The following GARS1 variants were observed in gnomAD, a reference collection of about 807,000 sequenced individuals.
The protein encoded by GARS1 is glycine--tRNA ligase.
GARS1 carries 46 observed loss-of-function variants against 86.4 expected under a neutral mutation model. The observed-to-expected ratio is 0.53, with a 90% CI of 0.42 to 0.68. The LOEUF (loss-of-function observed/expected upper bound fraction) is 0.68, where lower values mean the gene tolerates loss of function less well. Ranked by LOEUF, GARS1 falls within the 30% of genes least tolerant of loss-of-function variation. The pLI is 0.00. For synonymous variants in GARS1, 342 were observed against 329.8 expected (o/e 1.04, Z -0.40); for missense variants, 797 against 915.6 (o/e 0.87, Z 1.67).
chr7:30,633,647 T>C (rs746952799), intron 16 of GARS1, 88 bp from the exon 17 acceptor site: 72 of 1,496,518 alleles, frequency 4.8e-5, no homozygotes, highest in Non-Finnish European at 6.5e-5. Context: ...TTTGGCTCTG[T>C]GTAAGGTTTC....
rs1203951003 is a variant in GARS1 at position 30,603,493 on chromosome 7, C to A, written c.659-3C>A. 1.2e-6 allele frequency: 2 copies of A among 1,610,966 alleles called. No homozygotes were observed. Among genetic ancestry groups the A allele is most frequent in the Non-Finnish European group, 1.7e-6 (2 of 1,177,660 alleles). ...TTGATATATGTCAACACTGTTCTTACAGCTCATTTACAGAAATTGATGTCT... is the reference window on the plus strand; with the variant it reads ...TTGATATATGTCAACACTGTTCTTAAAGCTCATTTACAGAAATTGATGTCT... On this transcript the variant is annotated splice_polypyrimidine_tract_variant and splice_region_variant and intron_variant, in intron 5 of 16. Coordinates refer to ENST00000389266, the MANE Select transcript of GARS1 (RefSeq NM_002047.4).
At chr7:30,599,461 G>A (rs781475441) in intron 2 of GARS1, among the ~76,000 whole-genome samples, 4 of 151,808 alleles carry the variant, frequency 2.6e-5, no homozygotes, top group Non-Finnish European at 5.9e-5. Context: ...GGAGTGCAAT[G>A]GTGCGATCTC....
rs565962933 is a variant in GARS1, at chr7:30,609,991, A to G, written c.881+261A>G. ...CACTATATCTTCTAGTTATAGCTGC[A>G]TAGGGTAGAAGGGACAGTTGAAGAA... On this transcript the variant is annotated intron_variant, in intron 7 of 16. Coordinates refer to ENST00000389266, the MANE Select transcript of GARS1 (RefSeq NM_002047.4). Among the ~76,000 whole-genome samples the G allele has an allele frequency of 4.1e-4, 62 of 152,326 alleles. 1 individual carries two copies. The highest frequency in any genetic ancestry group is 8.3e-4 in the South Asian group (4 of 4,832).
intron 4 of GARS1, among the ~76,000 whole-genome samples, chr7:30,602,255 A>C (rs545941897): frequency 6.9e-6 from 1 of 144,236 alleles, no homozygotes; most frequent in African/African-American, 2.6e-5. Flanking sequence ...TGCCTGGCTA[A>C]TTTTTTTGTA....
At chr7:30,609,505 G>A in intron 6 of GARS1, 80 bp from the exon 7 acceptor site, 1 of 1,229,604 alleles carries the variant, frequency 8.1e-7, no homozygotes, top group Non-Finnish European at 1.2e-6. Context: ...GCAGTGGATG[G>A]CTAGGGTTAT....
At chr7:30,625,384 A>G (rs575965767) in intron 12 of GARS1, among the ~76,000 whole-genome samples, 2 of 152,372 alleles carry the variant, frequency 1.3e-5, no homozygotes, top group East Asian at 3.9e-4. Flanking sequence ...AAACGGAAGA[A>G]TTCAGTGAAC....
intron 1 of GARS1, among the ~76,000 whole-genome samples, chr7:30,595,345 C>T (rs1791224530): frequency 6.6e-6 from 1 of 152,208 alleles, no homozygotes; most frequent in South Asian, 2.1e-4. Context: ...CGCGGACCTC[C>T]GTCCTCCTCT....
At chr7:30,595,277 C>T (rs1791222689) in intron 1 of GARS1, 134 bp downstream of exon 1, 1 of 889,480 alleles carries the variant, frequency 1.1e-6, no homozygotes, top group Non-Finnish European at 1.8e-6. Flanking sequence ...CCTCTGGCGT[C>T]TTCTTCGCCT....
At chr7:30,598,772 A>G in intron 1 of GARS1, 24 bp from the exon 2 acceptor site, 1 of 1,574,490 alleles carries the variant, frequency 6.4e-7, no homozygotes, top group Non-Finnish European at 8.7e-7. Flanking sequence ...CCAATCCTGA[A>G]TATAAATTCT....
chr7:30,622,408 C>T lies in GARS1; in HGVS notation c.1559C>T (p.Ala520Val). Residue 520 changes from alanine (A) to valine (V), a missense_variant, in exon 12 of 17, where the codon GCC (alanine) becomes GTC (valine). Around this residue, in one of 2 missense-constraint regions of GARS1, gnomAD observed 598 missense variants for 738.7 expected, o/e 0.81. Transcript: ENST00000389266. ...GCAAAACTGGTGATGGAGTATCTTG[C>T]CATTTGTGATGAGTGCTACATTACA... The part of the protein sequence containing the change: ...KDAKLVMEYL[A>V]ICDECYITEM... The T allele has an allele frequency of 6.2e-7, 1 of 1,614,048 alleles. No individual in the cohort carries two copies. Among genetic ancestry groups the T allele is most frequent in the Non-Finnish European group, 8.5e-7 (1 of 1,179,992 alleles).
At chr7:30,617,375 A>C (rs2709772) in intron 10 of GARS1, 97 bp downstream of exon 10, 35 of 1,373,478 alleles carry the variant, frequency 2.5e-5, no homozygotes, top group Non-Finnish European at 3.6e-5. Flanking sequence ...ACAGAGGAAC[A>C]AAGGGAAAAG....
chr7:30,595,903 T>A, intron 1 of GARS1: 3 of 471,138 alleles, frequency 6.4e-6, no homozygotes, highest in Non-Finnish European at 1.3e-5. Context: ...ATCCTTAGTA[T>A]GGAATATTTT....
rs182542046 is a variant in GARS1, at chr7:30,632,266, T to C, written c.1923T>C (p.His641=). The C allele has an allele frequency of 2.0e-5, 33 of 1,614,180 alleles. 1 individual carries two copies. The highest frequency in any genetic ancestry group is 1.0e-4 in the Admixed American group (6 of 60,020). Residue 641 remains histidine, a synonymous_variant, in exon 16 of 17, where the codon CAT becomes CAC. Transcript: ENST00000389266. This position sits in a 1 kb window ranked among gnomAD's most constrained non-coding sequence, Gnocchi z 4.1. ...GGATAGCGGAAGCCCTGACCAGGCA[T>C]GGAGTATCTCACAAAGTAGACGATT... The part of the protein sequence containing the change: ...VKELSEALTR[H]GVSHKVDDSS...
At chr7:30,607,163 C>T (rs74797735) in intron 6 of GARS1, among the ~76,000 whole-genome samples, 1 of 152,164 alleles carries the variant, frequency 6.6e-6, no homozygotes, top group Non-Finnish European at 1.5e-5. Flanking sequence ...GAGTCATTCT[C>T]TCTGTGTGGT....
At position 30,632,574 on chromosome 7, in the gene GARS1, C is replaced by T; in HGVS notation, c.2094+137C>T. 1 of 855,024 alleles carries T rather than the reference C, an allele frequency of 1.2e-6. No individual in the cohort carries two copies. The highest frequency in any genetic ancestry group is 1.9e-6 in the Non-Finnish European group (1 of 532,058). 53.0% of individuals were successfully genotyped at this position (855,024 alleles called of 1,614,324 possible). On this transcript the variant is annotated intron_variant, in intron 16 of 16. Coordinates refer to ENST00000389266, the MANE Select transcript of GARS1 (RefSeq NM_002047.4). The surrounding 1 kb of genome is among the most constrained non-coding windows in gnomAD (Gnocchi z 4.1). ...ATTTTAATGAACGGCTTGTATCAGA[C>T]AGAGCCCAGATTCTCAAGTCCCCCG... is the stretch of plus-strand genomic sequence containing the variant.
At chr7:30,627,023 C>CT in intron 13 of GARS1, 1 of 446,544 alleles carries the variant, frequency 2.2e-6, no homozygotes, top group South Asian at 1.7e-5. Context: ...ATGTTGCATG[C>CT]TTTTTTAAAA....
chr7:30,632,381 AC>A lies in GARS1; in HGVS notation c.2044del (p.His682ThrfsTer5). Reference protein sequence around the residue: ...VTIDFDTVNKTPHTATLRDRD... With the variant: ...VTIDFDTVNKXPHTATLRDRD... ...CATTGACTTTGACACAGTGAACAAG[AC>A]CCCCCACACTGCAACTCTGAGGGAC... On this transcript the variant is annotated frameshift_variant, in exon 16 of 17. Transcript: ENST00000389266. LOFTEE classifies it high-confidence loss of function. This position sits in a 1 kb window ranked among gnomAD's most constrained non-coding sequence, Gnocchi z 4.1. 1 of 1,613,896 alleles carries A rather than the reference AC, an allele frequency of 6.2e-7. No homozygotes were observed. Among genetic ancestry groups the A allele is most frequent in the Non-Finnish European group, 8.5e-7 (1 of 1,179,978 alleles).
At chr7:30,616,278 A>G (rs1210617083) in intron 9 of GARS1, among the ~76,000 whole-genome samples, 2 of 152,204 alleles carry the variant, frequency 1.3e-5, no homozygotes, top group African/African-American at 2.4e-5. Flanking sequence ...AGCATGAAAA[A>G]AAATGTTTAG....
At chr7:30,630,480 G>T (rs987233372) in intron 14 of GARS1, among the ~76,000 whole-genome samples, 5 of 146,016 alleles carry the variant, frequency 3.4e-5, no homozygotes, top group Admixed American at 2.7e-4. Flanking sequence ...TAAAGTGGTT[G>T]ATTGGTTTGC....
Sources: allele counts gnomAD v4.1 joint callset (sites outside exome capture counted in the v4.1 genomes callset), GRCh38; gene constraint gnomAD v4.1.1; regional missense constraint gnomAD v4.1.1; non-coding constraint Gnocchi (gnomAD v3.1); transcripts MANE v1.5; gene names NCBI Gene and HGNC (gene_info 2026-07-23, HGNC 2026-07-21).